Variants in SMAD3 observed in about 807,000 individuals in gnomAD.
SMAD3 encodes the protein SMAD family member 3.
In SMAD3, 12 loss-of-function variants were observed where a neutral mutation model predicts 51.8. The ratio of observed to expected loss-of-function variants is 0.23; its 90% CI spans 0.15 to 0.38. The LOEUF is 0.38. SMAD3 is among the 10% of genes least tolerant of loss of function. The probability of loss-of-function intolerance (pLI) is 1.00; values close to 1 mark genes in which losing one functional copy is unlikely to be tolerated. For synonymous variants in SMAD3, 238 were observed against 227.7 expected (o/e 1.05, Z -0.41); for missense variants, 294 against 565.6 (o/e 0.52, Z 4.87).
chr15:67,092,524 C>T (rs881860), intron 1 of SMAD3, among the ~76,000 whole-genome samples: 4,706 of 152,236 alleles, frequency 0.031, 262 homozygotes, highest in African/African-American at 0.11. Flanking sequence ...ACCCTGAGGG[C>T]GGTCCCAGCA....
At chr15:67,122,120 G>A (rs901230593) in intron 1 of SMAD3, among the ~76,000 whole-genome samples, 8 of 152,188 alleles carry the variant, frequency 5.3e-5, no homozygotes, top group African/African-American at 1.9e-4. Flanking sequence ...TCTAAGGTCC[G>A]GACATATGTC....
chr15:67,190,378 G>T, intron 8 of SMAD3, 35 bp from the exon 9 acceptor site: 1 of 1,607,544 alleles, frequency 6.2e-7, no homozygotes, highest in South Asian at 1.1e-5. Flanking sequence ...GATTTTTTAA[G>T]TCCCCCACCC....
chr15:67,189,379 G>A (rs1341307847), intron 8 of SMAD3, among the ~76,000 whole-genome samples: 1 of 152,174 alleles, frequency 6.6e-6, no homozygotes, highest in Non-Finnish European at 1.5e-5. Context: ...CACTGTTCCT[G>A]GTGTGGCATT....
At chr15:67,186,230 C>T (rs951842671) in intron 7 of SMAD3, among the ~76,000 whole-genome samples, 2 of 152,230 alleles carry the variant, frequency 1.3e-5, no homozygotes, top group Non-Finnish European at 2.9e-5. Context: ...TGCTTCTTGG[C>T]TCTGCTGGGG....
chr15:67,074,693 CT>C, intron 1 of SMAD3, among the ~76,000 whole-genome samples: 2 of 152,188 alleles, frequency 1.3e-5, no homozygotes, highest in South Asian at 4.2e-4. Context: ...CTGTCTCTCT[CT>C]TTTTTTGTTT....
chr15:67,180,297 G>C (rs971129264), intron 5 of SMAD3, among the ~76,000 whole-genome samples: 2 of 152,050 alleles, frequency 1.3e-5, no homozygotes, highest in Non-Finnish European at 2.9e-5. Flanking sequence ...TGCAGTAGGA[G>C]GGCACAGTGC....
intron 5 of SMAD3, among the ~76,000 whole-genome samples, chr15:67,178,521 C>T (rs1962966674): frequency 6.6e-6 from 1 of 152,158 alleles, no homozygotes; most frequent in Non-Finnish European, 1.5e-5. Flanking sequence ...TAGTGTACCA[C>T]AGTGATTGTA....
chr15:67,074,713 G>A (rs753133490), intron 1 of SMAD3, among the ~76,000 whole-genome samples: 19 of 151,964 alleles, frequency 1.3e-4, no homozygotes, highest in South Asian at 6.2e-4. Flanking sequence ...TTTTTGAGAC[G>A]GAGTCTTGCT....
chr15:67,108,129 C>G (rs969680967), intron 1 of SMAD3, among the ~76,000 whole-genome samples: 1 of 152,194 alleles, frequency 6.6e-6, no homozygotes, highest in Non-Finnish European at 1.5e-5. Flanking sequence ...CGTCCTCCAT[C>G]TCCTCTCACT....
chr15:67,132,781 G>A (rs1450084822), intron 1 of SMAD3, among the ~76,000 whole-genome samples: 4 of 152,078 alleles, frequency 2.6e-5, no homozygotes, highest in African/African-American at 4.8e-5. Flanking sequence ...TGGATGACAG[G>A]CTTTTTATCA....
chr15:67,089,640 G>C (rs138566155), intron 1 of SMAD3, among the ~76,000 whole-genome samples: 1 of 152,132 alleles, frequency 6.6e-6, no homozygotes, highest in East Asian at 1.9e-4. Context: ...TGCTCTCCTC[G>C]TGTCCCTCAG....
intron 1 of SMAD3, among the ~76,000 whole-genome samples, chr15:67,163,723 G>C (rs1167760287): frequency 6.6e-6 from 1 of 152,116 alleles, no homozygotes; most frequent in Non-Finnish European, 1.5e-5. Flanking sequence ...AGGGCACCGG[G>C]TCATAGCTGC....
At chr15:67,114,973 C>CT (rs1249174210) in intron 1 of SMAD3, among the ~76,000 whole-genome samples, 5 of 152,246 alleles carry the variant, frequency 3.3e-5, no homozygotes, top group Middle Eastern at 3.4e-3. Context: ...AATATTGGAG[C>CT]TTTTTTGGCT....
intron 1 of SMAD3, among the ~76,000 whole-genome samples, chr15:67,108,034 C>T (rs1960920858): frequency 7.3e-6 from 1 of 136,822 alleles, no homozygotes; most frequent in Non-Finnish European, 1.5e-5. Context: ...GATCTTGCTT[C>T]AGCACCTCCC....
At chr15:67,107,988 C>G (rs12593840) in intron 1 of SMAD3, among the ~76,000 whole-genome samples, 65,787 of 142,798 alleles carry the variant, frequency 0.46, 14,709 homozygotes, top group Middle Eastern at 0.63. Flanking sequence ...CCCACCACCT[C>G]CCGCGCTGTG....
chr15:67,069,037 T>C, intron 1 of SMAD3, among the ~76,000 whole-genome samples: 1 of 152,162 alleles, frequency 6.6e-6, no homozygotes, highest in East Asian at 1.9e-4. Context: ...TAAGGAGCCC[T>C]CAGTCTAAGG....
chr15:67,111,715 T>C (rs554052912), intron 1 of SMAD3, among the ~76,000 whole-genome samples: 44 of 152,358 alleles, frequency 2.9e-4, no homozygotes, highest in South Asian at 2.1e-3. Flanking sequence ...TATCTCATTA[T>C]AGTTTTGATT....
intron 1 of SMAD3, among the ~76,000 whole-genome samples, chr15:67,119,002 T>C (rs763667534): frequency 5.3e-5 from 8 of 152,174 alleles, no homozygotes; most frequent in African/African-American, 1.7e-4. Flanking sequence ...GCTGGATAGA[T>C]GAGCGTGGAG....
At chr15:67,145,877 GAC>G (rs1961962840) in intron 1 of SMAD3, among the ~76,000 whole-genome samples, 1 of 152,210 alleles carries the variant, frequency 6.6e-6, no homozygotes, top group Non-Finnish European at 1.5e-5. Flanking sequence ...ACAACAGCTT[GAC>G]ACAGTGGGAA....
Sources: allele counts gnomAD v4.1 joint callset (sites outside exome capture counted in the v4.1 genomes callset), GRCh38; gene constraint gnomAD v4.1.1; transcripts MANE v1.5; gene names NCBI Gene and HGNC (gene_info 2026-07-23, HGNC 2026-07-21).